TES: variants seen among roughly 807,000 people sequenced by gnomAD.
TES encodes the protein testin LIM domain protein.
In TES, 41 loss-of-function variants were observed where a neutral mutation model predicts 48.2. The ratio of observed to expected loss-of-function variants is 0.85; its 90% confidence interval spans 0.66 to 1.10. The LOEUF is 1.10. TES is among the 50% of genes least tolerant of loss of function. The pLI is 0.00. For synonymous variants in TES, 162 were observed against 174.9 expected (o/e 0.93, Z 0.58); for missense variants, 463 against 515.1 (o/e 0.90, Z 0.98).
chr7:116,246,397 G>A (rs375877871), intron 2 of TES, among the ~76,000 whole-genome samples: 11 of 152,276 alleles, frequency 7.2e-5, no homozygotes, highest in African/African-American at 2.4e-4. Context: ...TTACCACATG[G>A]CAGATATTGT....
At chr7:116,237,223 T>G (rs1799783466) in intron 2 of TES, among the ~76,000 whole-genome samples, 1 of 152,142 alleles carries the variant, frequency 6.6e-6, no homozygotes, top group Non-Finnish European at 1.5e-5. Context: ...AGCTTCATGG[T>G]GATCCTTGAC....
At chr7:116,244,478 C>A (rs1232155932) in intron 2 of TES, among the ~76,000 whole-genome samples, 1 of 152,246 alleles carries the variant, frequency 6.6e-6, no homozygotes, top group African/African-American at 2.4e-5. Context: ...CTTCATGTCT[C>A]ACATCCAGGG....
chr7:116,224,207 C>G (rs1038711140), intron 1 of TES, among the ~76,000 whole-genome samples: 1 of 152,202 alleles, frequency 6.6e-6, no homozygotes, highest in Non-Finnish European at 1.5e-5. Context: ...CGATTGCAAA[C>G]TTGTAAGAGA....
intron 1 of TES, among the ~76,000 whole-genome samples, chr7:116,229,820 A>G (rs1224319210): frequency 1.3e-5 from 2 of 152,228 alleles, no homozygotes; most frequent in African/African-American, 4.8e-5. Context: ...GAAACTAGGC[A>G]CATCCTAAAC....
At chr7:116,215,057 T>TA (rs1310251488) in intron 1 of TES, among the ~76,000 whole-genome samples, 1 of 152,216 alleles carries the variant, frequency 6.6e-6, no homozygotes, top group African/African-American at 2.4e-5. Context: ...CTGTTACACT[T>TA]ACGTGGTTAT....
chr7:116,238,116 A>G (rs1007556807), intron 2 of TES: 2 of 152,138 alleles, frequency 1.3e-5, no homozygotes, highest in African/African-American at 4.8e-5. Context: ...TACTTACAGA[A>G]AGCCAGGAGA....
chr7:116,210,613 C>G lies in TES; in HGVS notation c.-95C>G. ...GTTGAGCGGCGCCGCGGGAGTTCCG[C>G]AGGTTTCCCGTGTTCGCAGCGGAGC... On this transcript the variant is annotated 5_prime_UTR_variant, in exon 1 of 7. Coordinates refer to ENST00000358204, the MANE Select transcript of TES (RefSeq NM_015641.4). 10 of 1,232,990 alleles carry G rather than the reference C, an allele frequency of 8.1e-6. No individual in the cohort carries two copies. Among genetic ancestry groups the G allele is most frequent in the Non-Finnish European group, 1.0e-5 (10 of 964,512 alleles). The allele number at this position is 1,232,990 out of a possible 1,614,324, so 76.4% of individuals were successfully genotyped here.
intron 1 of TES, chr7:116,211,635 A>T (rs765143998): frequency 1.3e-5 from 2 of 152,228 alleles, no homozygotes; most frequent in Non-Finnish European, 2.9e-5. Context: ...CTTTGTGGTA[A>T]ATTTAAGCTA....
chr7:116,221,718 C>T lies in TES; in HGVS notation c.27+10984C>T, dbSNP rs570266323. Among the ~76,000 whole-genome samples the T allele has an allele frequency of 3.9e-5, 6 of 152,282 alleles. No homozygotes were observed. In the East Asian group the frequency reaches 1.2e-3, roughly 29 times the overall value. On this transcript the variant is annotated intron_variant, in intron 1 of 6. Transcript: ENST00000358204. ...ATCAAGAATCAATGTACTGAAACTG[C>T]TCTAATTTCATTGGTGGCTTAAGAT... is the stretch of plus-strand genomic sequence containing the variant.
chr7:116,252,107 ACTT>A, intron 5 of TES, 132 bp downstream of exon 5: 2 of 1,046,374 alleles, frequency 1.9e-6, no homozygotes, highest in South Asian at 3.3e-5. Context: ...TAAAAAATAA[ACTT>A]CTGATATCAT....
intron 1 of TES, among the ~76,000 whole-genome samples, chr7:116,213,468 A>G (rs1799461450): frequency 6.6e-6 from 1 of 152,240 alleles, no homozygotes; most frequent in South Asian, 2.1e-4. Context: ...CCACATTAAC[A>G]TTTCATGTAA....
chr7:116,210,866 C>T (rs1281869164), intron 1 of TES, 132 bp downstream of exon 1: 7 of 816,756 alleles, frequency 8.6e-6, no homozygotes, highest in Non-Finnish European at 1.2e-5. Context: ...GTCTGCGGTG[C>T]CCCGGGCCCA....
rs149573546 is a variant in TES at position 116,226,478 on chromosome 7, A to T, written c.28-8056A>T. Among the ~76,000 whole-genome samples the T allele has an allele frequency of 3.3e-5, 5 of 152,322 alleles. No individual in the cohort carries two copies. In the East Asian group the frequency reaches 9.6e-4, roughly 29 times the overall value. ...AAGTGAAAAGCTCCGCTTAAAACAG[A>T]GAGCGGCTGGAGGGGAGTGGTGTGA... is the stretch of plus-strand genomic sequence containing the variant. On this transcript the variant is annotated intron_variant, in intron 1 of 6. Transcript: ENST00000358204.
At chr7:116,226,099 TTG>T (rs1270629120) in intron 1 of TES, among the ~76,000 whole-genome samples, 1 of 152,196 alleles carries the variant, frequency 6.6e-6, no homozygotes, top group Non-Finnish European at 1.5e-5. Flanking sequence ...CAGTGTCTTT[TTG>T]TGTGTGTGTA....
At chr7:116,234,430 G>A (rs1799739365) in intron 1 of TES, 104 bp from the exon 2 acceptor site, 2 of 981,632 alleles carry the variant, frequency 2.0e-6, no homozygotes, top group African/African-American at 3.3e-5. Flanking sequence ...TTGTTTGAAA[G>A]TTATCTCAAC....
At chr7:116,246,193 C>T (rs1563012874) in intron 2 of TES, among the ~76,000 whole-genome samples, 1 of 152,184 alleles carries the variant, frequency 6.6e-6, no homozygotes, top group Non-Finnish European at 1.5e-5. Context: ...CTTTTCATCT[C>T]CACTGTTGAA....
chr7:116,256,254 A>C (rs1280288848), intron 6 of TES, among the ~76,000 whole-genome samples: 1 of 152,176 alleles, frequency 6.6e-6, no homozygotes, highest in Non-Finnish European at 1.5e-5. Context: ...CCACATTTTG[A>C]AGTCTTTTCA....
chr7:116,240,158 T>C (rs1799825919), intron 2 of TES, among the ~76,000 whole-genome samples: 1 of 152,218 alleles, frequency 6.6e-6, no homozygotes, highest in South Asian at 2.1e-4. Context: ...CATATATGTA[T>C]ATCCCTGTTA....
chr7:116,236,704 G>A (rs536957530), intron 2 of TES, among the ~76,000 whole-genome samples: 8 of 152,276 alleles, frequency 5.3e-5, no homozygotes, highest in African/African-American at 1.9e-4. Flanking sequence ...AAGCAAGTTA[G>A]TCATTTTTGT....
Sources: allele counts gnomAD v4.1 joint callset (sites outside exome capture counted in the v4.1 genomes callset), GRCh38; gene constraint gnomAD v4.1.1; transcripts MANE v1.5; gene names NCBI Gene and HGNC (gene_info 2026-07-23, HGNC 2026-07-21).